The following DCDC1 variants were observed in gnomAD, a reference collection of about 807,000 sequenced individuals.
The protein encoded by DCDC1 is doublecortin domain containing 1.
DCDC1 carries 200 observed loss-of-function variants against 178.3 expected under a neutral mutation model. The ratio of observed to expected loss-of-function variants is 1.12; its 90% CI spans 1.00 to 1.26. DCDC1 has a LOEUF of 1.26. Ranked by LOEUF, DCDC1 falls within the 50% of genes most tolerant of loss-of-function variation. The probability of loss-of-function intolerance (pLI) is 0.00; values close to 1 mark genes in which losing one functional copy is unlikely to be tolerated. For missense variants in DCDC1, 1,983 were observed against 1,749.2 expected (o/e 1.13, Z -2.38); for synonymous variants, 690 against 604.8 (o/e 1.14, Z -2.07).
intron 20 of DCDC1, among the ~76,000 whole-genome samples, chr11:31,033,938 A>G (rs1953842653): frequency 7.3e-6 from 1 of 137,622 alleles, no homozygotes; most frequent in South Asian, 2.1e-4. Flanking sequence ...TGAGGCCAGG[A>G]GTTCAAGACC....
intron 9 of DCDC1, among the ~76,000 whole-genome samples, chr11:31,139,260 CAAG>C: frequency 6.6e-6 from 1 of 152,108 alleles, no homozygotes; most frequent in East Asian, 1.9e-4. Flanking sequence ...ATTTGGCCAA[CAAG>C]CAGTGGTTGG....
chr11:31,147,345 GT>G (rs1468754503), intron 9 of DCDC1, among the ~76,000 whole-genome samples: 3 of 151,994 alleles, frequency 2.0e-5, no homozygotes, highest in African/African-American at 4.8e-5. Context: ...AGGAGTAAAG[GT>G]TTTTCTTGAG....
At chr11:31,028,436 C>A (rs75571885) in intron 20 of DCDC1, among the ~76,000 whole-genome samples, 2 of 151,902 alleles carry the variant, frequency 1.3e-5, no homozygotes, top group African/African-American at 4.8e-5. Flanking sequence ...CTATCAAATA[C>A]GCTAACTAGA....
In DCDC1 at chr11:30,996,850, T is replaced by G. The variant is rs577901855; in HGVS notation, c.2592-44282A>C. ...AGCAATCACACTGCTAGGTATTTTC[T>G]CACATGAACAGAAAATTTTGTTCGC... On this transcript the variant is annotated intron_variant, in intron 20 of 38. Transcript: ENST00000684477. Among the ~76,000 whole-genome samples, 5 of 152,336 alleles carry G rather than the reference T, an allele frequency of 3.3e-5. No homozygotes were observed. In the South Asian group the frequency reaches 8.3e-4, roughly 25 times the overall value.
Position 31,155,093 on chromosome 11 carries a change from C to T in DCDC1, c.1222-17309G>A, listed in dbSNP as rs1965584967. Among the ~76,000 whole-genome samples, 4 of 152,288 alleles carry T rather than the reference C, an allele frequency of 2.6e-5. No homozygotes were observed. The South Asian group carries it at 8.3e-4, about 32-fold the overall frequency. On this transcript the variant is annotated intron_variant, in intron 9 of 38. Transcript: ENST00000684477. ...TCCAAATTTTTACTGTCCCGCATTTCTAATCCTGTTCATTTTTCAAAAAAG... is the reference window on the plus strand; with the variant it reads ...TCCAAATTTTTACTGTCCCGCATTTTTAATCCTGTTCATTTTTCAAAAAAG...
At chr11:31,201,730 A>G (rs1471416716) in intron 9 of DCDC1, among the ~76,000 whole-genome samples, 1 of 152,146 alleles carries the variant, frequency 6.6e-6, no homozygotes, top group Non-Finnish European at 1.5e-5. Context: ...CACATTAAGA[A>G]AAATAAGATT....
chr11:31,345,088 T>C (rs141707782), intron 1 of DCDC1, among the ~76,000 whole-genome samples: 55 of 152,260 alleles, frequency 3.6e-4, no homozygotes, highest in Non-Finnish European at 6.2e-4. Context: ...CCAATAATTA[T>C]AATGAAAACC....
intron 20 of DCDC1, among the ~76,000 whole-genome samples, chr11:30,982,185 T>C (rs907808933): frequency 5.3e-5 from 8 of 152,180 alleles, no homozygotes; most frequent in Non-Finnish European, 1.0e-4. Flanking sequence ...CGCAAATTAG[T>C]ATTGCTGTTG....
chr11:31,321,415 T>A (rs545534485), intron 3 of DCDC1, among the ~76,000 whole-genome samples: 2 of 149,880 alleles, frequency 1.3e-5, no homozygotes, highest in South Asian at 4.3e-4. Context: ...GTGACCCGAT[T>A]TTCCAGGTGC....
At chr11:31,236,695 T>TA (rs1976506621) in intron 9 of DCDC1, among the ~76,000 whole-genome samples, 2 of 151,848 alleles carry the variant, frequency 1.3e-5, no homozygotes, top group East Asian at 1.9e-4. Context: ...CCTAATATTC[T>TA]AAAAAAAATT....
intron 34 of DCDC1, among the ~76,000 whole-genome samples, chr11:30,895,275 G>A (rs613493): frequency 0.028 from 4,256 of 152,152 alleles, 183 homozygotes; most frequent in African/African-American, 0.098. Flanking sequence ...AAGTTTGGTC[G>A]GGAAGGCAGA....
chr11:31,026,938 T>C (rs1252336651), intron 20 of DCDC1, among the ~76,000 whole-genome samples: 1 of 151,790 alleles, frequency 6.6e-6, no homozygotes, highest in Non-Finnish European at 1.5e-5. Flanking sequence ...CCTTGAATTT[T>C]TTCTACAGCA....
chr11:31,094,885 C>T (rs570473290), intron 15 of DCDC1, among the ~76,000 whole-genome samples: 1 of 152,078 alleles, frequency 6.6e-6, no homozygotes, highest in South Asian at 2.1e-4. Context: ...TGGTGGTTTG[C>T]TACACCCATC....
chr11:31,206,112 TGG>T (rs2136474908), intron 9 of DCDC1, among the ~76,000 whole-genome samples: 1 of 152,256 alleles, frequency 6.6e-6, no homozygotes, highest in East Asian at 1.9e-4. Flanking sequence ...TCAAGGCAAA[TGG>T]ATAAAGAATC....
intron 21 of DCDC1, chr11:30,943,660 ATT>A (rs1393866321): frequency 8.8e-6 from 4 of 453,134 alleles, no homozygotes; most frequent in Non-Finnish European, 1.3e-5. Context: ...AGTTCCTCTA[ATT>A]TTTTCCAGTG....
chr11:31,247,895 T>C (rs192573827), intron 8 of DCDC1, among the ~76,000 whole-genome samples: 6 of 152,192 alleles, frequency 3.9e-5, no homozygotes, highest in Non-Finnish European at 8.8e-5. Context: ...TTCTAAAATA[T>C]TTGATATTTA....
chr11:30,897,405 G>T (rs574873250), intron 34 of DCDC1, among the ~76,000 whole-genome samples: 1 of 151,870 alleles, frequency 6.6e-6, no homozygotes, highest in Non-Finnish European at 1.5e-5. Flanking sequence ...TGGCTAACAC[G>T]GTGAAACCCC....
At chr11:31,353,449 C>T (rs572767571) in intron 1 of DCDC1, among the ~76,000 whole-genome samples, 1 of 152,122 alleles carries the variant, frequency 6.6e-6, no homozygotes, top group African/African-American at 2.4e-5. Context: ...CAGATGGTAT[C>T]CATTTGATAA....
intron 20 of DCDC1, among the ~76,000 whole-genome samples, chr11:30,965,246 C>G (rs1453709522): frequency 1.3e-5 from 2 of 152,182 alleles, no homozygotes; most frequent in African/African-American, 2.4e-5. Flanking sequence ...GAGCCTTGAA[C>G]TTGTTCTGTA....
Sources: allele counts gnomAD v4.1 joint callset (sites outside exome capture counted in the v4.1 genomes callset), GRCh38; gene constraint gnomAD v4.1.1; transcripts MANE v1.5; gene names NCBI Gene and HGNC (gene_info 2026-07-23, HGNC 2026-07-21).